TENM1: variants seen among roughly 807,000 people sequenced by gnomAD.
The protein encoded by TENM1 is teneurin-1.
Under a neutral mutation model 174.8 loss-of-function variants are expected in TENM1, and 35 were observed. That is an observed-to-expected ratio of 0.20 (90% confidence interval 0.15 to 0.27). The LOEUF (loss-of-function observed/expected upper bound fraction) is 0.27. Among genes scored for constraint, TENM1 ranks in the 10% least tolerant of loss-of-function variants. The probability of loss-of-function intolerance (pLI) is 1.00; values close to 1 mark genes in which losing one functional copy is unlikely to be tolerated. For synonymous variants in TENM1, 781 were observed against 798.7 expected, an observed-to-expected ratio of 0.98 and a Z score of 0.37; for missense variants, 1,633 against 2,130.1, an observed-to-expected ratio of 0.77 and a Z score of 4.59.
the TENM1 span, among the ~76,000 whole-genome samples, chrX:125,102,678 T>C: frequency 2.7e-5 from 3 of 112,488 alleles, no homozygotes; most frequent in African/African-American, 9.7e-5. Context: ...TTTGCCAATA[T>C]TCCAACTGAT....
chrX:125,062,616 T>C, the TENM1 span, among the ~76,000 whole-genome samples: 1 of 112,448 alleles, frequency 8.9e-6, no homozygotes, highest in Non-Finnish European at 1.9e-5. Context: ...CTGCCTTTTC[T>C]GTCAAAGAGA....
intron 11 of TENM1, among the ~76,000 whole-genome samples, chrX:124,605,297 G>T (rs1389174042): frequency 9.6e-6 from 1 of 104,474 alleles, no homozygotes; most frequent in East Asian, 3.0e-4. Context: ...GTATAAGAAC[G>T]GTTTCATCCT....
intron 3 of TENM1, among the ~76,000 whole-genome samples, chrX:124,805,657 T>G (rs1313961135): frequency 8.9e-6 from 1 of 112,153 alleles, no homozygotes; most frequent in East Asian, 2.8e-4. Flanking sequence ...ACCATGGGGC[T>G]TCTGCTGCAC....
intron 3 of TENM1, among the ~76,000 whole-genome samples, chrX:124,749,162 C>T (rs2054004965): frequency 9.0e-6 from 1 of 111,237 alleles, no homozygotes; most frequent in Admixed American, 9.6e-5. Context: ...GAACAGTTGA[C>T]ACCTTTCTTT....
the TENM1 span, among the ~76,000 whole-genome samples, chrX:125,032,250 A>G: frequency 9.2e-6 from 1 of 109,145 alleles, no homozygotes; most frequent in African/African-American, 3.4e-5. Context: ...GCTCACTGCA[A>G]CCTCTGCCTC....
intron 3 of TENM1, among the ~76,000 whole-genome samples, chrX:124,832,057 G>C (rs767690960): frequency 9.0e-6 from 1 of 111,519 alleles, no homozygotes; most frequent in Non-Finnish European, 1.9e-5. Flanking sequence ...ACAGTGTTTT[G>C]TTTTATCACA....
chrX:124,819,642 A>G (rs1170803423), intron 3 of TENM1, among the ~76,000 whole-genome samples: 1 of 111,263 alleles, frequency 9.0e-6, no homozygotes, highest in African/African-American at 3.3e-5. Flanking sequence ...TCTGGCCTAC[A>G]TAATTGTAGG....
At chrX:124,389,835 T>C (rs1187850817) in intron 28 of TENM1, among the ~76,000 whole-genome samples, 1 of 112,416 alleles carries the variant, frequency 8.9e-6, no homozygotes, top group Non-Finnish European at 1.9e-5. Flanking sequence ...AAATGACTTT[T>C]GGAAAGTAAA....
chrX:124,762,187 G>C (rs2054434632), intron 3 of TENM1, among the ~76,000 whole-genome samples: 1 of 111,746 alleles, frequency 8.9e-6, no homozygotes, highest in African/African-American at 3.3e-5. Flanking sequence ...CATCATGTGG[G>C]CCCTATCTTC....
At chrX:124,765,812 T>C (rs1307023877) in intron 3 of TENM1, among the ~76,000 whole-genome samples, 1 of 112,051 alleles carries the variant, frequency 8.9e-6, no homozygotes, top group Non-Finnish European at 1.9e-5. Context: ...TGTTTCACAT[T>C]TCTTTCAGAG....
the TENM1 span, among the ~76,000 whole-genome samples, chrX:125,022,092 AAC>A: frequency 8.9e-6 from 1 of 112,315 alleles, no homozygotes; most frequent in Admixed American, 9.5e-5. Context: ...GAATGTTGCT[AAC>A]TCCTTGTGTT....
At chrX:124,945,209 C>G (rs188482231) in intron 1 of TENM1, among the ~76,000 whole-genome samples, 1 of 111,620 alleles carries the variant, frequency 9.0e-6, no homozygotes, top group African/African-American at 3.3e-5. Flanking sequence ...ACATTTCAGG[C>G]AGAGGGAATA....
the TENM1 span, among the ~76,000 whole-genome samples, chrX:125,007,650 C>T: frequency 2.7e-5 from 3 of 111,639 alleles, no homozygotes; most frequent in East Asian, 5.6e-4. Flanking sequence ...AGCCAGGTCA[C>T]CTATAAAGGG....
intron 1 of TENM1, among the ~76,000 whole-genome samples, chrX:124,910,377 T>G (rs900149368): frequency 8.9e-6 from 1 of 112,270 alleles, no homozygotes; most frequent in Non-Finnish European, 1.9e-5. Context: ...CATGAATGCA[T>G]GTTCCTTTTA....
At chrX:124,984,494 G>A in the TENM1 span, among the ~76,000 whole-genome samples, 1 of 112,002 alleles carries the variant, frequency 8.9e-6, no homozygotes, top group African/African-American at 3.2e-5. Flanking sequence ...AGACCATTAA[G>A]GAAGATATCT....
chrX:124,877,454 G>A, intron 3 of TENM1, among the ~76,000 whole-genome samples: 1 of 111,925 alleles, frequency 8.9e-6, no homozygotes, highest in Non-Finnish European at 1.9e-5. Flanking sequence ...TATAAGTTGT[G>A]ACTTCTGAAA....
intron 3 of TENM1, among the ~76,000 whole-genome samples, chrX:124,758,175 C>G (rs1380056588): frequency 9.0e-6 from 1 of 111,190 alleles, no homozygotes; most frequent in Non-Finnish European, 1.9e-5. Context: ...CAAAACAAAA[C>G]AAAACAAAAC....
At chrX:125,061,589 G>T in the TENM1 span, among the ~76,000 whole-genome samples, 3,113 of 111,772 alleles carry the variant, frequency 0.028, 137 homozygotes, top group African/African-American at 0.096. Flanking sequence ...AGTGAGGGTA[G>T]CTGTATGTGC....
At chrX:124,733,672 T>TA (rs780208397) in intron 4 of TENM1, among the ~76,000 whole-genome samples, 41 of 112,236 alleles carry the variant, frequency 3.7e-4, no homozygotes, top group African/African-American at 1.3e-3. Context: ...TTCTGGCTTT[T>TA]AAAAAATCAT....
Sources: gnomAD v4.1 joint callset for allele counts (sites outside exome capture counted in the v4.1 genomes callset) on GRCh38, gnomAD v4.1.1 for gene constraint, MANE v1.5 for transcripts, NCBI Gene and HGNC (gene_info 2026-07-23, HGNC 2026-07-21) for gene names.